Variants in CHERP observed in about 807,000 individuals in gnomAD.
The protein encoded by CHERP is calcium homeostasis endoplasmic reticulum protein.
A neutral mutation model predicts 113.8 loss-of-function variants in CHERP; 8 were observed. The ratio of observed to expected loss-of-function variants is 0.07; its 90% confidence interval spans 0.04 to 0.13. The LOEUF is 0.13. CHERP is among the 10% of genes least tolerant of loss of function. The pLI is 1.00. For missense variants in CHERP, 884 were observed against 1,298.2 expected (o/e 0.68, Z 4.90); for synonymous variants, 559 against 524.5 (o/e 1.07, Z -0.90).
Position 16,520,760 on chromosome 19 carries a change from C to A in CHERP, c.2201+66G>T, listed in dbSNP as rs1225238322. On this transcript the variant is annotated intron_variant, in intron 13 of 16. Transcript: ENST00000546361. This position sits in a 1 kb window ranked among gnomAD's most constrained non-coding sequence, Gnocchi z 4.0. ...TGGACGTGATGAGTGTATCTGGGGT[C>A]TGCTCCCACCCATCACAAGCTGTGG... 7.4e-6 allele frequency: 11 copies of A among 1,480,248 alleles called. No individual in the cohort carries two copies. In the Admixed American group the frequency reaches 1.2e-4, roughly 16 times the overall value. 91.7% of individuals were successfully genotyped at this position (1,480,248 alleles called of 1,614,324 possible).
intron 1 of CHERP, 80 bp downstream of exon 1, chr19:16,542,274 C>T (rs1185732970): frequency 7.0e-6 from 9 of 1,285,346 alleles, no homozygotes; most frequent in Admixed American, 3.8e-5. Flanking sequence ...CTCCCAGACC[C>T]GGGGACTCCG....
chr19:16,522,005 C>T (rs1261312794), intron 11 of CHERP, among the ~76,000 whole-genome samples: 1 of 152,234 alleles, frequency 6.6e-6, no homozygotes, highest in Non-Finnish European at 1.5e-5. Context: ...CAATGCCTAC[C>T]CTGGGCCCCC....
rs2085608831 is a variant in CHERP, at chr19:16,520,980, T to C, written c.2115-68A>G. On this transcript the variant is annotated intron_variant, in intron 12 of 16. Coordinates refer to ENST00000546361, the MANE Select transcript of CHERP (RefSeq NM_006387.6). This position sits in a 1 kb window ranked among gnomAD's most constrained non-coding sequence, Gnocchi z 4.0. ...CCACAAGGAAGTCGTGAAAAAGTCA[T>C]CAGGAGTTAATCCACAGAACCTTGG... 1 of 1,359,956 alleles carries C rather than the reference T, an allele frequency of 7.4e-7. No individual in the cohort carries two copies. Among genetic ancestry groups the C allele is most frequent in the South Asian group, 1.2e-5 (1 of 86,022 alleles). 84.2% of individuals were successfully genotyped at this position (1,359,956 alleles called of 1,614,324 possible).
At chr19:16,531,974 TC>T (rs201674418) in intron 5 of CHERP, 23,442 of 147,574 alleles carry the variant, frequency 0.16, 2,501 homozygotes, top group African/African-American at 0.3. Context: ...GTTTTTTTTT[TC>T]TTTTTTGCTA....
In CHERP at chr19:16,520,243, A is replaced by G. The variant is rs1419557384; in HGVS notation, c.2368T>C (p.Ser790Pro). 3.1e-6 allele frequency: 5 copies of G among 1,613,108 alleles called. No individual in the cohort carries two copies. Among genetic ancestry groups the G allele is most frequent in the Non-Finnish European group, 3.4e-6 (4 of 1,179,980 alleles). The change falls in exon 15 of 17, where the codon TCC becomes CCC. Residue 790 changes from serine to proline, a missense_variant. Physicochemically the swap from Ser to Pro is moderately conservative, Grantham distance 74. This residue lies in a region of CHERP where 159 missense variants were observed against 185.8 expected (regional missense o/e 0.86). Transcript: ENST00000546361. This position sits in a 1 kb window ranked among gnomAD's most constrained non-coding sequence, Gnocchi z 4.0. ...GACTGGGACCGGGAGCGGCTTCTGG[A>G]GGAGCGCGACCTGCTCCGACTTCTG... ...RSRSRSRSRS[S>P]RSRSRSQSRS... is the part of the protein sequence containing the mutation.
At position 16,523,865 on chromosome 19, in the gene CHERP, G is replaced by A. The variant is rs1009336773; in HGVS notation, c.1742-575C>T. On this transcript the variant is annotated intron_variant, in intron 10 of 16. Transcript: ENST00000546361. This position sits in a 1 kb window ranked among gnomAD's most constrained non-coding sequence, Gnocchi z 4.0. ...CATTCCAGCTGTTGAAGCCGTCCAG[G>A]CTGTGGGACTTATCATGTCAGCCCA... Among the ~76,000 whole-genome samples the A allele has an allele frequency of 8.5e-5, 13 of 152,226 alleles. No individual in the cohort carries two copies. The highest frequency in any genetic ancestry group is 3.1e-4 in the African/African-American group (13 of 41,450).
intron 2 of CHERP, among the ~76,000 whole-genome samples, chr19:16,536,411 G>A (rs560633410): frequency 1.1e-4 from 17 of 152,304 alleles, no homozygotes; most frequent in African/African-American, 4.1e-4. Context: ...TCTTGGGGCC[G>A]CCTGGTCTAA....
rs2122232434 is a variant in CHERP at position 16,518,077 on chromosome 19, A to C, written c.*1082T>G. The C allele has an allele frequency of 6.6e-6, 1 of 152,274 alleles. No individual in the cohort carries two copies. The highest frequency in any genetic ancestry group is 2.1e-4 in the South Asian group (1 of 4,826). The allele number at this position is 152,274 out of a possible 1,614,324, so 9.4% of individuals were successfully genotyped here. On this transcript the variant is annotated 3_prime_UTR_variant, in exon 17 of 17. Coordinates refer to ENST00000546361, the MANE Select transcript of CHERP (RefSeq NM_006387.6). ...GTTGGAAGATTTTGCATCTTATTGA[A>C]AAGAATTTTTCAAAAATGTTTCTGT... is the stretch of plus-strand genomic sequence containing the variant.
chr19:16,542,372 T>C lies in CHERP; in HGVS notation c.7A>G (p.Met3Val). 7 of 1,373,712 alleles carry C rather than the reference T, an allele frequency of 5.1e-6. No homozygotes were observed. Among genetic ancestry groups the C allele is most frequent in the Non-Finnish European group, 6.6e-6 (7 of 1,055,808 alleles). 85.1% of individuals were successfully genotyped at this position (1,373,712 alleles called of 1,614,324 possible). The change falls in exon 1 of 17, where the codon ATG (methionine) becomes GTG (valine). Residue 3 changes from methionine to valine, a missense_variant. Met to Val is a conservative substitution (Grantham distance 21, BLOSUM62 1). Transcript: ENST00000546361. MEMPLPPDDQELR... is the reference protein window; with the variant it reads MEVPLPPDDQELR... Reference sequence around the variant, plus strand: ...GTCTCACCATCGGGGGGCAGCGGCATCTCCATGGCTCCGGCCGCGGGGAAC... The same window carrying C: ...GTCTCACCATCGGGGGGCAGCGGCACCTCCATGGCTCCGGCCGCGGGGAAC...
At chr19:16,534,932 C>T (rs12985684) in intron 3 of CHERP, among the ~76,000 whole-genome samples, 6,368 of 151,984 alleles carry the variant, frequency 0.042, 193 homozygotes, top group Non-Finnish European at 0.07. Flanking sequence ...AAAAATTAGC[C>T]GGGTGTGGTG....
intron 3 of CHERP, among the ~76,000 whole-genome samples, chr19:16,533,479 G>A (rs934875851): frequency 1.3e-5 from 2 of 152,178 alleles, no homozygotes; most frequent in African/African-American, 2.4e-5. Flanking sequence ...AAACAAAGGC[G>A]GGGCGCGGTG....
chr19:16,525,326 G>A lies in CHERP; in HGVS notation c.1657C>T (p.Gln553Ter). Residue 553 changes from glutamine (Q) to a stop codon, truncating the protein, a stop_gained, in exon 10 of 17, where the codon CAG (glutamine) becomes TAG (stop). Transcript: ENST00000546361. LOFTEE classifies it high-confidence loss of function. The surrounding 1 kb of genome is among the most constrained non-coding windows in gnomAD (Gnocchi z 6.5). ...GGGTGCCGTGGCGGGAAGTCGTCCT[G>A]CATGAAGCGGGGCGGGAAGCGGTTG... ...NFNRFPPRFM[Q>*]DDFPPRHPFE... 6.8e-7 allele frequency: 1 copy of A among 1,469,182 alleles called. No individual in the cohort carries two copies. 91.0% of individuals were successfully genotyped at this position (1,469,182 alleles called of 1,614,324 possible).
chr19:16,519,510 G>A lies in CHERP; in HGVS notation c.2557+111C>T, dbSNP rs545836628. ...AGAGGGTCTGGGTGGAGTCAGAACC[G>A]GCCTGACTCCATCCATCCCCACATG... On this transcript the variant is annotated intron_variant, in intron 16 of 16. Coordinates refer to ENST00000546361, the MANE Select transcript of CHERP (RefSeq NM_006387.6). The surrounding 1 kb of genome is among the most constrained non-coding windows in gnomAD (Gnocchi z 6.0). 9.4e-5 allele frequency: 120 copies of A among 1,270,054 alleles called. No individual in the cohort carries two copies. Among genetic ancestry groups the A allele is most frequent in the Admixed American group, 1.6e-4 (9 of 55,530 alleles). 78.7% of individuals were successfully genotyped at this position (1,270,054 alleles called of 1,614,324 possible).
chr19:16,521,867 G>A (rs1053491300), intron 11 of CHERP, among the ~76,000 whole-genome samples: 8 of 152,220 alleles, frequency 5.3e-5, no homozygotes, highest in African/African-American at 1.7e-4. Flanking sequence ...CTCTGAGGCT[G>A]ATGACAGTCA....
chr19:16,532,841 G>A lies in CHERP; in HGVS notation c.523-92C>T. ...GAGAGCGCGTCACCATCAGCTCAGG[G>A]AAGGACACACCATGAGCGTGGGGGG... On this transcript the variant is annotated intron_variant, in intron 4 of 16. Transcript: ENST00000546361. This position sits in a 1 kb window ranked among gnomAD's most constrained non-coding sequence, Gnocchi z 4.4. 3 of 1,555,656 alleles carry A rather than the reference G, an allele frequency of 1.9e-6. No individual in the cohort carries two copies. Among genetic ancestry groups the A allele is most frequent in the South Asian group, 1.2e-5 (1 of 81,916 alleles).
chr19:16,528,294 G>A, intron 8 of CHERP, 39 bp from the exon 9 acceptor site: 1 of 1,528,002 alleles, frequency 6.5e-7, no homozygotes, highest in Non-Finnish European at 8.8e-7. Flanking sequence ...AGGCCTGGCA[G>A]CAGGAGGCGC....
chr19:16,527,928 A>G (rs1012540861), intron 9 of CHERP, 152 bp downstream of exon 9: 1 of 776,364 alleles, frequency 1.3e-6, no homozygotes, highest in Non-Finnish European at 2.1e-6. Flanking sequence ...ACAGGAAGAC[A>G]GGGCTGTCAC....
Position 16,532,360 on chromosome 19 carries a change from G to A in CHERP, c.674+238C>T, listed in dbSNP as rs2085711600. 8.3e-6 allele frequency: 4 copies of A among 482,906 alleles called. No homozygotes were observed. Among genetic ancestry groups the A allele is most frequent in the East Asian group, 3.3e-5 (1 of 29,852 alleles). 29.9% of individuals were successfully genotyped at this position (482,906 alleles called of 1,614,324 possible). On this transcript the variant is annotated intron_variant, in intron 5 of 16. Transcript: ENST00000546361. This position sits in a 1 kb window ranked among gnomAD's most constrained non-coding sequence, Gnocchi z 4.4. ...AGACAGCAATGTGACAGGTGAGGCC[G>A]GGGTCTAGGGGAGAGGACAGGGCAT... is the stretch of plus-strand genomic sequence containing the variant.
rs1341555394 is a variant in CHERP at position 16,533,132 on chromosome 19, G to A, written c.401C>T (p.Ala134Val). ...LALRQEQVTA[A>V]VAHAVEQQMQ... ...CTGCTGCTCCACCGCGTGGGCCACG[G>A]CCGCTGTCACTTGCTCCTGCGGGCG... Residue 134 changes from alanine to valine, a missense_variant, in exon 4 of 17, where the codon GCC becomes GTC. Around this residue, in one of 8 missense-constraint regions of CHERP, gnomAD observed 109 missense variants for 134.2 expected, o/e 0.81. Coordinates refer to ENST00000546361, the MANE Select transcript of CHERP (RefSeq NM_006387.6). 1 of 1,587,068 alleles carries A rather than the reference G, an allele frequency of 6.3e-7. No homozygotes were observed. Among genetic ancestry groups the A allele is most frequent in the Non-Finnish European group, 8.6e-7 (1 of 1,167,040 alleles).
Sources: allele counts gnomAD v4.1 joint callset (sites outside exome capture counted in the v4.1 genomes callset), GRCh38; gene constraint gnomAD v4.1.1; regional missense constraint gnomAD v4.1.1; non-coding constraint Gnocchi (gnomAD v3.1); transcripts MANE v1.5; gene names NCBI Gene and HGNC (gene_info 2026-07-23, HGNC 2026-07-21).